BLOC1S6: variants seen among roughly 807,000 people sequenced by gnomAD.
BLOC1S6 encodes the protein biogenesis of lysosome-related organelles complex 1 subunit 6.
A neutral mutation model predicts 24.7 loss-of-function variants in BLOC1S6; 24 were observed. The observed-to-expected ratio is 0.97, with a 90% CI of 0.70 to 1.37. The LOEUF (loss-of-function observed/expected upper bound fraction) is 1.37. Ranked by LOEUF, BLOC1S6 falls within the 40% of genes most tolerant of loss-of-function variation. BLOC1S6 has a pLI of 0.00. For missense variants in BLOC1S6, 175 were observed against 196.2 expected (o/e 0.89, Z 0.64); for synonymous variants, 76 against 72.6 (o/e 1.05, Z -0.23).
intron 2 of BLOC1S6, among the ~76,000 whole-genome samples, chr15:45,596,044 G>A (rs934791331): frequency 1.3e-4 from 20 of 152,002 alleles, no homozygotes; most frequent in African/African-American, 4.1e-4. Context: ...CAGGTGATCC[G>A]CCTGCCTCGG....
rs183061069 is a variant in BLOC1S6 at position 45,601,673 on chromosome 15, C to T, written c.225-1427C>T. Among the ~76,000 whole-genome samples the T allele has an allele frequency of 2.1e-3, 323 of 151,898 alleles. 1 individual carries two copies. The highest frequency in any genetic ancestry group is 3.4e-3 in the Middle Eastern group (1 of 294). Reference sequence around the variant, plus strand: ...TTGATTGGTCTCACTAGAGGTTTATCAATTTTATTGATCTTTTAAAGAACC... The same window carrying T: ...TTGATTGGTCTCACTAGAGGTTTATTAATTTTATTGATCTTTTAAAGAACC... On this transcript the variant is annotated intron_variant, in intron 2 of 4. Coordinates refer to ENST00000220531, the MANE Select transcript of BLOC1S6 (RefSeq NM_012388.4).
chr15:45,593,843 G>T (rs765994171), intron 2 of BLOC1S6, among the ~76,000 whole-genome samples: 9 of 152,010 alleles, frequency 5.9e-5, no homozygotes, highest in Non-Finnish European at 1.3e-4. Context: ...ACTTTATGAA[G>T]TATCTAGTAT....
rs1894306176 is a variant in BLOC1S6, at chr15:45,602,508, T to A, written c.225-592T>A. ...AATTGTAATGAGAAACATTAGAAATTATCTGGTCTGATCTTCTCACTTTGT... is the reference window on the plus strand; with the variant it reads ...AATTGTAATGAGAAACATTAGAAATAATCTGGTCTGATCTTCTCACTTTGT... On this transcript the variant is annotated intron_variant, in intron 2 of 4. Transcript: ENST00000220531. The A allele has an allele frequency of 5.7e-6, 3 of 525,242 alleles. No homozygotes were observed. In the East Asian group the frequency reaches 9.0e-5, roughly 16 times the overall value. 32.5% of individuals were successfully genotyped at this position (525,242 alleles called of 1,614,324 possible). A position where few individuals can be genotyped will look rare whatever the true frequency, so the allele number is the denominator to read the frequency against.
rs1894547008 is a variant in BLOC1S6, at chr15:45,608,163, AG to A, written c.*1650del. The A allele has an allele frequency of 6.6e-6, 1 of 152,660 alleles. No homozygotes were observed. The highest frequency in any genetic ancestry group is 2.4e-5 in the African/African-American group (1 of 41,450). 9.5% of individuals were successfully genotyped at this position (152,660 alleles called of 1,614,324 possible). A position where few individuals can be genotyped will look rare whatever the true frequency, so the allele number is the denominator to read the frequency against. On this transcript the variant is annotated 3_prime_UTR_variant, in exon 5 of 5. Coordinates refer to ENST00000220531, the MANE Select transcript of BLOC1S6 (RefSeq NM_012388.4). ...CACATATCAGGCTAACGATAGAGAA[AG>A]CATTAGGTTTAAGTTGAGGGCTAAG...
rs1894483600 is a variant in BLOC1S6 at position 45,606,820 on chromosome 15, G to A, written c.*306G>A. 4 of 312,902 alleles carry A rather than the reference G, an allele frequency of 1.3e-5. No homozygotes were observed. The highest frequency in any genetic ancestry group is 1.8e-5 in the Non-Finnish European group (3 of 170,954). 19.4% of individuals were successfully genotyped at this position (312,902 alleles called of 1,614,324 possible). A position where few individuals can be genotyped will look rare whatever the true frequency, so the allele number is the denominator to read the frequency against. On this transcript the variant is annotated 3_prime_UTR_variant, in exon 5 of 5. Coordinates refer to ENST00000220531, the MANE Select transcript of BLOC1S6 (RefSeq NM_012388.4). ...CAAAACTCTAAGTGGTTAAAAATTA[G>A]TATGAATTTTTTAGCTTCTTAATGA...
intron 1 of BLOC1S6, among the ~76,000 whole-genome samples, chr15:45,589,843 C>CAAAAT (rs1017558506): frequency 4.4e-4 from 67 of 151,982 alleles, no homozygotes; most frequent in African/African-American, 1.6e-3. Context: ...GAGAGAAAAA[C>CAAAAT]AAAACAAACA....
In BLOC1S6 at chr15:45,592,152, C is replaced by T. The variant is rs758111657; in HGVS notation, c.100C>T (p.Pro34Ser). Residue 34 changes from proline (P) to serine (S), a missense_variant, in exon 2 of 5, where the codon CCA becomes TCA. Physicochemically the swap from Pro to Ser is moderately conservative, Grantham distance 74. Transcript: ENST00000220531. ...EPTPGLSDTS[P>S]DEGLIEDLTI... ...GGGGACAGGTTTAAGTGACACTTCT[C>T]CAGATGAAGGGTTAATAGAGGACTT... 5.0e-6 allele frequency: 8 copies of T among 1,614,080 alleles called. No individual in the cohort carries two copies. Among genetic ancestry groups the T allele is most frequent in the South Asian group, 1.1e-5 (1 of 91,084 alleles).
chr15:45,597,391 TC>T (rs1894118067), intron 2 of BLOC1S6, among the ~76,000 whole-genome samples: 1 of 152,104 alleles, frequency 6.6e-6, no homozygotes, highest in Non-Finnish European at 1.5e-5. Flanking sequence ...AGGCAGGGGA[TC>T]CCTTGAACCA....
chr15:45,602,480 T>C (rs2140915517), intron 2 of BLOC1S6: 1 of 545,494 alleles, frequency 1.8e-6, no homozygotes, highest in Non-Finnish European at 3.3e-6. Flanking sequence ...AGTTTTGAAT[T>C]AGAATTGTAA....
chr15:45,587,507 G>A lies in BLOC1S6; in HGVS notation c.64G>A (p.Ala22Thr). Residue 22 changes from alanine (A) to threonine (T), a missense_variant, in exon 1 of 5, where the codon GCC (alanine) becomes ACC (threonine). Coordinates refer to ENST00000220531, the MANE Select transcript of BLOC1S6 (RefSeq NM_012388.4). The part of the protein sequence containing the change: ...ALTRPPYCLE[A>T]GEPTPGLSDT... ...GACACGGCCACCCTACTGCCTGGAG[G>A]CCGGGGAGCCGACGCCTGGTACGTA... The A allele has an allele frequency of 6.3e-7, 1 of 1,577,912 alleles. No individual in the cohort carries two copies. The highest frequency in any genetic ancestry group is 8.6e-7 in the Non-Finnish European group (1 of 1,161,942).
upstream of BLOC1S6, chr15:45,587,270 C>T: frequency 1.5e-6 from 1 of 683,886 alleles, no homozygotes; most frequent in Admixed American, 2.2e-5. Flanking sequence ...CCCACAACGC[C>T]ATGGGGCAGA....
chr15:45,601,859 G>A (rs1236532774), intron 2 of BLOC1S6, among the ~76,000 whole-genome samples: 1 of 151,352 alleles, frequency 6.6e-6, no homozygotes, highest in East Asian at 1.9e-4. Flanking sequence ...CCAAGCTGGA[G>A]GGACAAAGTT....
chr15:45,590,525 A>G (rs1342399927), intron 1 of BLOC1S6, among the ~76,000 whole-genome samples: 1 of 150,170 alleles, frequency 6.7e-6, no homozygotes, highest in African/African-American at 2.5e-5. Flanking sequence ...CTTGTGTCTT[A>G]GCTTCTCGAG....
At position 45,609,479 on chromosome 15, in the gene BLOC1S6, T is replaced by C. The variant is rs1595562583; in HGVS notation, c.*2965T>C. 1 of 152,236 alleles carries C rather than the reference T, an allele frequency of 6.6e-6. No individual in the cohort carries two copies. Among genetic ancestry groups the C allele is most frequent in the East Asian group, 1.9e-4 (1 of 5,200 alleles). The allele number at this position is 152,236 out of a possible 1,614,324, so 9.4% of individuals were successfully genotyped here. A position where few individuals can be genotyped will look rare whatever the true frequency, so the allele number is the denominator to read the frequency against. On this transcript the variant is annotated 3_prime_UTR_variant, in exon 5 of 5. Transcript: ENST00000220531. ...AAAAATTGCCTTTGTTTTGAAATTA[T>C]ATCACCTGTGTTCTGAACTAAAATG...
At chr15:45,589,474 C>G (rs1348027650) in intron 1 of BLOC1S6, among the ~76,000 whole-genome samples, 4 of 152,206 alleles carry the variant, frequency 2.6e-5, no homozygotes, top group African/African-American at 7.2e-5. Context: ...ATTCTTTGAG[C>G]CTTAGCTCAG....
In BLOC1S6 at chr15:45,607,137, A is replaced by G. The variant is rs1355032381; in HGVS notation, c.*623A>G. The G allele has an allele frequency of 6.5e-6, 1 of 152,676 alleles. No individual in the cohort carries two copies. Among genetic ancestry groups the G allele is most frequent in the African/African-American group, 2.4e-5 (1 of 41,476 alleles). The allele number at this position is 152,676 out of a possible 1,614,324, so 9.5% of individuals were successfully genotyped here. ...TCTTTTCTGTTGAACATTAAAAATA[A>G]TTTGGTTTGTGGACTGGGCATGGTG... On this transcript the variant is annotated 3_prime_UTR_variant, in exon 5 of 5. Transcript: ENST00000220531.
At chr15:45,603,210 A>C in intron 3 of BLOC1S6, 23 bp downstream of exon 3, 1 of 1,451,686 alleles carries the variant, frequency 6.9e-7, no homozygotes, top group African/African-American at 1.4e-5. Context: ...TAGTTGATGT[A>C]ATTTAATGAC....
intron 1 of BLOC1S6, among the ~76,000 whole-genome samples, chr15:45,591,638 G>C (rs1319104076): frequency 6.6e-6 from 1 of 152,220 alleles, no homozygotes; most frequent in South Asian, 2.1e-4. Flanking sequence ...GCTTCCCAAA[G>C]TGCTAGGATT....
At chr15:45,588,470 T>C (rs1385850557) in intron 1 of BLOC1S6, among the ~76,000 whole-genome samples, 2 of 152,234 alleles carry the variant, frequency 1.3e-5, no homozygotes, top group Non-Finnish European at 2.9e-5. Flanking sequence ...CTTGAAACTT[T>C]GAAATTGCTC....
Sources: gnomAD v4.1 joint callset for allele counts (sites outside exome capture counted in the v4.1 genomes callset) on GRCh38, gnomAD v4.1.1 for gene constraint, MANE v1.5 for transcripts, NCBI Gene and HGNC (gene_info 2026-07-23, HGNC 2026-07-21) for gene names.